Variants in PLCL2 observed in about 807,000 individuals in gnomAD.
The protein encoded by PLCL2 is phospholipase C like 2.
PLCL2 carries 4 observed loss-of-function variants against 79.6 expected under a neutral mutation model. That is an observed-to-expected ratio of 0.05 (90% CI 0.02 to 0.11). The LOEUF is 0.11. Among genes scored for constraint, PLCL2 ranks in the 10% least tolerant of loss-of-function variants. The pLI is 1.00. For synonymous variants in PLCL2, 484 were observed against 457.7 expected (o/e 1.06, Z -0.73); for missense variants, 895 against 1,291.0 (o/e 0.69, Z 4.70).
intron 3 of PLCL2, among the ~76,000 whole-genome samples, chr3:17,031,269 G>A (rs771276839): frequency 4.6e-5 from 7 of 152,142 alleles, no homozygotes; most frequent in Non-Finnish European, 8.8e-5. Context: ...AGACAGTGAG[G>A]CCATAGGCCC....
At chr3:16,910,014 C>G (rs1160248866) in intron 1 of PLCL2, among the ~76,000 whole-genome samples, 2 of 152,152 alleles carry the variant, frequency 1.3e-5, no homozygotes, top group Non-Finnish European at 2.9e-5. Flanking sequence ...TCTCTCCATC[C>G]ACACAAAAGA....
At chr3:16,962,203 C>G (rs1433930192) in intron 1 of PLCL2, among the ~76,000 whole-genome samples, 1 of 152,122 alleles carries the variant, frequency 6.6e-6, no homozygotes, top group Non-Finnish European at 1.5e-5. Context: ...TATTAGAGAA[C>G]AGGTTATTTT....
intron 4 of PLCL2, among the ~76,000 whole-genome samples, chr3:17,043,752 A>G (rs937284897): frequency 1.3e-5 from 2 of 152,124 alleles, no homozygotes; most frequent in Admixed American, 1.3e-4. Context: ...TTTAAAATAG[A>G]TTGAAGATAA....
chr3:17,020,954 G>A (rs961997631), intron 3 of PLCL2, among the ~76,000 whole-genome samples: 1 of 152,114 alleles, frequency 6.6e-6, no homozygotes, highest in Non-Finnish European at 1.5e-5. Flanking sequence ...AATTAATGGA[G>A]TCTGCTGGTT....
intron 1 of PLCL2, among the ~76,000 whole-genome samples, chr3:16,961,270 T>C (rs1040733224): frequency 1.3e-5 from 2 of 152,372 alleles, no homozygotes; most frequent in Admixed American, 6.5e-5. Flanking sequence ...ACCTTTCCAC[T>C]GCACATTTCC....
At chr3:17,078,959 A>G (rs2065135064) in intron 5 of PLCL2, among the ~76,000 whole-genome samples, 1 of 152,222 alleles carries the variant, frequency 6.6e-6, no homozygotes, top group South Asian at 2.1e-4. Context: ...AAACTATAGT[A>G]GCGTTTGTCA....
intron 4 of PLCL2, among the ~76,000 whole-genome samples, chr3:17,058,327 A>G (rs141769447): frequency 2.1e-4 from 32 of 152,344 alleles, no homozygotes; most frequent in Non-Finnish European, 2.8e-4. Flanking sequence ...CTTTAACATA[A>G]TATTAAGCAA....
At chr3:16,989,429 T>C (rs1288773188) in intron 1 of PLCL2, among the ~76,000 whole-genome samples, 1 of 152,120 alleles carries the variant, frequency 6.6e-6, no homozygotes, top group Non-Finnish European at 1.5e-5. Flanking sequence ...GCAGTCCAAA[T>C]TGAGATGTGC....
intron 1 of PLCL2, among the ~76,000 whole-genome samples, chr3:16,914,721 CTTTA>C (rs758579523): frequency 4.7e-4 from 71 of 151,692 alleles, no homozygotes; most frequent in Admixed American, 3.9e-3. Flanking sequence ...TAAAATATTT[CTTTA>C]TTTATTTTAT....
intron 1 of PLCL2, among the ~76,000 whole-genome samples, chr3:16,998,989 G>C (rs915049378): frequency 6.6e-6 from 1 of 152,152 alleles, no homozygotes; most frequent in Non-Finnish European, 1.5e-5. Context: ...AATAATTCCA[G>C]TCACAAAGTG....
At chr3:16,929,648 C>CT (rs1345223619) in intron 1 of PLCL2, among the ~76,000 whole-genome samples, 1 of 152,190 alleles carries the variant, frequency 6.6e-6, no homozygotes, top group Non-Finnish European at 1.5e-5. Flanking sequence ...GAATAGCAAA[C>CT]TTTCCTCTTT....
At chr3:16,888,742 A>T (rs1241871001) in intron 1 of PLCL2, among the ~76,000 whole-genome samples, 3 of 152,262 alleles carry the variant, frequency 2.0e-5, no homozygotes, top group Non-Finnish European at 4.4e-5. Context: ...GTCTAAAAAT[A>T]TGAAGTAGCA....
chr3:17,080,307 T>A (rs74953606), intron 5 of PLCL2, among the ~76,000 whole-genome samples: 3,094 of 152,274 alleles, frequency 0.02, 111 homozygotes, highest in African/African-American at 0.072. Context: ...GAAGTGGACC[T>A]GACCAAGCTA....
chr3:17,050,662 G>A (rs1312902889), intron 4 of PLCL2, among the ~76,000 whole-genome samples: 1 of 152,146 alleles, frequency 6.6e-6, no homozygotes, highest in Non-Finnish European at 1.5e-5. Flanking sequence ...TGGCGAGGCT[G>A]TGGAGAAAAG....
intron 1 of PLCL2, among the ~76,000 whole-genome samples, chr3:16,962,370 C>G (rs1178077890): frequency 2.0e-5 from 3 of 151,376 alleles, no homozygotes; most frequent in Admixed American, 1.3e-4. Flanking sequence ...CACGACCCAT[C>G]TGTTAGGTTC....
chr3:17,081,425 G>A lies in PLCL2; in HGVS notation c.3205-8308G>A, dbSNP rs146880033. On this transcript the variant is annotated intron_variant, in intron 5 of 5. Transcript: ENST00000615277. ...CCGCACTGGATCCCTCACCTCAGAA[G>A]TAAGACAACTGTTTTTCTCTAATAG... The A allele has an allele frequency of 1.5e-3, 481 of 325,632 alleles. 4 individuals are homozygous for A. Among genetic ancestry groups the A allele is most frequent in the African/African-American group, 1.0e-2 (459 of 46,010 alleles). 20.2% of individuals were successfully genotyped at this position (325,632 alleles called of 1,614,324 possible).
intron 4 of PLCL2, among the ~76,000 whole-genome samples, chr3:17,056,979 T>C (rs1389911560): frequency 6.6e-6 from 1 of 152,176 alleles, no homozygotes; most frequent in Non-Finnish European, 1.5e-5. Context: ...AAGGTGTACT[T>C]TCAGTGCACA....
intron 4 of PLCL2, among the ~76,000 whole-genome samples, chr3:17,043,380 T>A (rs2064746475): frequency 6.6e-6 from 1 of 152,230 alleles, no homozygotes; most frequent in South Asian, 2.1e-4. Flanking sequence ...TACAACCTCC[T>A]GACACTTTTT....
intron 3 of PLCL2, among the ~76,000 whole-genome samples, chr3:17,033,121 GAC>G (rs1363069106): frequency 6.6e-6 from 1 of 152,190 alleles, no homozygotes; most frequent in Non-Finnish European, 1.5e-5. Flanking sequence ...TAACAGGAAA[GAC>G]ACATTGATCC....
Sources: allele counts gnomAD v4.1 joint callset (sites outside exome capture counted in the v4.1 genomes callset), GRCh38; gene constraint gnomAD v4.1.1; transcripts MANE v1.5; gene names NCBI Gene and HGNC (gene_info 2026-07-23, HGNC 2026-07-21).